The following CHODL variants were observed in gnomAD, a reference collection of about 807,000 sequenced individuals.
The protein encoded by CHODL is transmembrane protein MT75.
A neutral mutation model predicts 34.5 loss-of-function variants in CHODL; 29 were observed. The ratio of observed to expected loss-of-function variants is 0.84; its 90% CI spans 0.63 to 1.15. The LOEUF is 1.15. Among genes scored for constraint, CHODL ranks in the 50% most tolerant of loss-of-function variants. The pLI is 0.00. For missense variants in CHODL, 332 were observed against 332.5 expected (o/e 1.00, Z 0.01); for synonymous variants, 125 against 116.1 (o/e 1.08, Z -0.49).
At chr21:18,057,394 A>C (rs930205834) in intron 2 of CHODL, among the ~76,000 whole-genome samples, 2 of 152,010 alleles carry the variant, frequency 1.3e-5, no homozygotes, top group Non-Finnish European at 2.9e-5. Context: ...AAAAATGTAC[A>C]TACAGAGAGT....
At chr21:18,207,549 T>C (rs959610680) in intron 2 of CHODL, among the ~76,000 whole-genome samples, 6 of 152,070 alleles carry the variant, frequency 3.9e-5, no homozygotes, top group Non-Finnish European at 1.5e-5. Flanking sequence ...CTGGTGAGTT[T>C]GATACCTTCA....
chr21:17,973,477 C>T (rs1235682943), intron 1 of CHODL, among the ~76,000 whole-genome samples: 2 of 144,422 alleles, frequency 1.4e-5, no homozygotes, highest in Admixed American at 7.2e-5. Flanking sequence ...AGTGCAATGG[C>T]TCAATCTCGG....
intron 2 of CHODL, among the ~76,000 whole-genome samples, chr21:18,067,644 T>C (rs553745874): frequency 2.0e-5 from 3 of 152,364 alleles, no homozygotes; most frequent in Admixed American, 1.3e-4. Context: ...GCCACTCAGT[T>C]TGTGGTACTT....
Position 18,245,131 on chromosome 21 carries a change from G to A in CHODL, c.-93G>A. 5 of 1,120,144 alleles carry A rather than the reference G, an allele frequency of 4.5e-6. No individual in the cohort carries two copies. In the African/African-American group the frequency reaches 4.9e-5, roughly 11 times the overall value. The allele number at this position is 1,120,144 out of a possible 1,614,324, so 69.4% of individuals were successfully genotyped here. A position where few individuals can be genotyped will look rare whatever the true frequency, so the allele number is the denominator to read the frequency against. On this transcript the variant is annotated 5_prime_UTR_variant, in exon 1 of 6. Coordinates refer to ENST00000299295, the MANE Select transcript of CHODL (RefSeq NM_024944.3). ...CGGCGGGAGTAGGGCCCGGCAGGGA[G>A]GCAGGGAGGCTGCAGAGTCAGAGTC...
chr21:18,012,507 T>A (rs558583133), intron 1 of CHODL, among the ~76,000 whole-genome samples: 1 of 152,304 alleles, frequency 6.6e-6, no homozygotes, highest in South Asian at 2.1e-4. Flanking sequence ...TATAGAAGTA[T>A]AAAATAACTG....
chr21:18,134,791 A>G (rs1190633410), intron 2 of CHODL, among the ~76,000 whole-genome samples: 1 of 152,186 alleles, frequency 6.6e-6, no homozygotes, highest in Non-Finnish European at 1.5e-5. Flanking sequence ...CCAAATACTA[A>G]TAGATCTTTC....
rs1447445242 is a variant in CHODL, at chr21:18,019,276, G to C, written c.-144-8596G>C. 3.3e-5 allele frequency among the ~76,000 whole-genome samples: 5 copies of C among 152,244 alleles called. No homozygotes were observed. In the East Asian group the frequency reaches 9.6e-4, roughly 29 times the overall value. ...AAATTAGTATTGTGTGCTATGGAAA[G>C]ACCTATATAGAGAATGCAAAGTTAA... is the stretch of plus-strand genomic sequence containing the variant. On this transcript the variant is annotated intron_variant, in intron 1 of 6. Transcript: ENST00000400127.
intron 1 of CHODL, among the ~76,000 whole-genome samples, chr21:17,999,116 C>T (rs2146397438): frequency 6.6e-6 from 1 of 152,292 alleles, no homozygotes; most frequent in South Asian, 2.1e-4. Flanking sequence ...TAGCCTAAAT[C>T]ATCTCTCTCA....
rs1378225658 is a variant in CHODL, at chr21:18,171,352, G to A, written c.-44-85157G>A. ...CTCCCGAGTAGCTGGGACTACAGGCGCCCGCCACCGCGCCCGGCTAATTTT... is the reference window on the plus strand; with the variant it reads ...CTCCCGAGTAGCTGGGACTACAGGCACCCGCCACCGCGCCCGGCTAATTTT... On this transcript the variant is annotated intron_variant, in intron 2 of 6. Coordinates refer to the CHODL transcript ENST00000400127. Among the ~76,000 whole-genome samples, 18 of 149,002 alleles carry A rather than the reference G, an allele frequency of 1.2e-4. No individual in the cohort carries two copies. The South Asian group carries it at 2.8e-3, about 23-fold the overall frequency.
At chr21:17,997,916 T>C (rs146091450) in intron 1 of CHODL, among the ~76,000 whole-genome samples, 3 of 152,202 alleles carry the variant, frequency 2.0e-5, no homozygotes, top group African/African-American at 7.2e-5. Flanking sequence ...CCAAATCTCA[T>C]GTCCTCACAT....
intron 1 of CHODL, chr21:18,246,054 T>G (rs897552193): frequency 1.1e-6 from 1 of 885,936 alleles, no homozygotes; most frequent in Non-Finnish European, 1.8e-6. Context: ...TTGATTTTTC[T>G]TTTTTTGACT....
At chr21:18,240,890 T>C (rs750952339), upstream of CHODL, among the ~76,000 whole-genome samples, 4 of 152,212 alleles carry the variant, frequency 2.6e-5, no homozygotes, top group Non-Finnish European at 5.9e-5. Context: ...TGAACAGTTA[T>C]GAAATTTTAA....
chr21:18,263,971 C>T (rs933734514), intron 5 of CHODL, among the ~76,000 whole-genome samples: 1 of 150,104 alleles, frequency 6.7e-6, no homozygotes, highest in East Asian at 2.0e-4. Context: ...ATTTTCCATA[C>T]ATGTTAGATG....
intron 2 of CHODL, among the ~76,000 whole-genome samples, chr21:18,084,687 A>G (rs2064982432): frequency 1.3e-5 from 2 of 152,200 alleles, no homozygotes; most frequent in Admixed American, 6.5e-5. Flanking sequence ...ATGGCCTAAT[A>G]CATGGTCTAT....
At chr21:18,178,494 A>G (rs2073342559) in intron 2 of CHODL, among the ~76,000 whole-genome samples, 3 of 152,358 alleles carry the variant, frequency 2.0e-5, no homozygotes, top group Admixed American at 1.3e-4. Context: ...AAACTTAACT[A>G]ATGAAAGTCT....
At chr21:18,043,356 G>A (rs1298994536) in intron 2 of CHODL, among the ~76,000 whole-genome samples, 2 of 151,946 alleles carry the variant, frequency 1.3e-5, no homozygotes, top group Non-Finnish European at 2.9e-5. Context: ...TGGGACAAAG[G>A]AGCATGCCTG....
At chr21:17,938,892 G>A (rs535804332) in intron 1 of CHODL, among the ~76,000 whole-genome samples, 1 of 151,218 alleles carries the variant, frequency 6.6e-6, no homozygotes, top group African/African-American at 2.4e-5. Flanking sequence ...ATTTTTTTTC[G>A]TTTCTATCCT....
At chr21:17,927,174 A>G (rs2063235208) in intron 1 of CHODL, among the ~76,000 whole-genome samples, 1 of 147,210 alleles carries the variant, frequency 6.8e-6, no homozygotes, top group African/African-American at 2.5e-5. Context: ...ATATGTATAT[A>G]TGTATATATA....
intron 2 of CHODL, among the ~76,000 whole-genome samples, chr21:18,070,940 A>G (rs2064796966): frequency 6.6e-6 from 1 of 151,476 alleles, no homozygotes; most frequent in African/African-American, 2.4e-5. Context: ...TACTCAGTTC[A>G]GTAAGTCTTG....
Sources: allele counts gnomAD v4.1 joint callset (sites outside exome capture counted in the v4.1 genomes callset), GRCh38; gene constraint gnomAD v4.1.1; transcripts MANE v1.5; gene names NCBI Gene and HGNC (gene_info 2026-07-23, HGNC 2026-07-21).